The following GPC5 variants were observed in gnomAD, a reference collection of about 807,000 sequenced individuals.
The protein encoded by GPC5 is glypican-5.
A neutral mutation model predicts 53.9 loss-of-function variants in GPC5; 47 were observed. The observed-to-expected ratio is 0.87, with a 90% confidence interval of 0.69 to 1.11. The LOEUF (loss-of-function observed/expected upper bound fraction) is 1.11. GPC5 is among the 50% of genes most tolerant of loss of function. The pLI is 0.00. For missense variants in GPC5, 748 were observed against 713.1 expected, an observed-to-expected ratio of 1.05 and a Z score of -0.56; for synonymous variants, 286 against 263.3, an observed-to-expected ratio of 1.09 and a Z score of -0.84.
intron 7 of GPC5, among the ~76,000 whole-genome samples, chr13:92,445,773 C>T (rs1342576789): frequency 6.6e-6 from 1 of 151,964 alleles, no homozygotes; most frequent in Admixed American, 6.6e-5. Flanking sequence ...CCGCAATAAA[C>T]ATACGTGTGC....
intron 2 of GPC5, among the ~76,000 whole-genome samples, chr13:91,625,852 G>A (rs2033985003): frequency 6.6e-6 from 1 of 152,008 alleles, no homozygotes; most frequent in Non-Finnish European, 1.5e-5. Flanking sequence ...CAGAAGAAGT[G>A]CCTTATGTGG....
intron 7 of GPC5, chr13:92,446,972 T>C (rs1877854313): frequency 6.6e-6 from 1 of 152,206 alleles, no homozygotes; most frequent in South Asian, 2.1e-4. Flanking sequence ...CATTTTTAAA[T>C]TGGATTGTTA....
intron 6 of GPC5, among the ~76,000 whole-genome samples, chr13:92,072,607 C>T (rs1397949093): frequency 3.3e-5 from 4 of 120,930 alleles, no homozygotes; most frequent in African/African-American, 9.7e-5. Context: ...AGAGTCTTAC[C>T]CTCTTGCCCA....
intron 7 of GPC5, among the ~76,000 whole-genome samples, chr13:92,171,513 C>T (rs1489587739): frequency 7.9e-5 from 12 of 152,126 alleles, no homozygotes. Context: ...TTCTTTTGCT[C>T]CTCAATCCAT....
intron 7 of GPC5, among the ~76,000 whole-genome samples, chr13:92,644,643 T>C (rs1409884798): frequency 6.6e-6 from 1 of 152,192 alleles, no homozygotes; most frequent in Non-Finnish European, 1.5e-5. Context: ...TATCCTTTTA[T>C]GTCACTCAAA....
chr13:92,861,743 T>C (rs1016581503), intron 7 of GPC5, among the ~76,000 whole-genome samples: 4 of 152,182 alleles, frequency 2.6e-5, no homozygotes, highest in Non-Finnish European at 4.4e-5. Context: ...TTTCTTTTTA[T>C]AGATTCTGAC....
intron 2 of GPC5, among the ~76,000 whole-genome samples, chr13:91,496,316 G>T (rs1228858942): frequency 6.6e-6 from 1 of 152,174 alleles, no homozygotes; most frequent in East Asian, 1.9e-4. Flanking sequence ...TATGGAAGAG[G>T]TATCTGCACT....
At chr13:91,546,506 T>G (rs1187374345) in intron 2 of GPC5, among the ~76,000 whole-genome samples, 1 of 152,130 alleles carries the variant, frequency 6.6e-6, no homozygotes, top group Non-Finnish European at 1.5e-5. Flanking sequence ...TTTAGCCATG[T>G]GATTTTTAAT....
At chr13:92,736,671 T>G (rs1398981089) in intron 7 of GPC5, among the ~76,000 whole-genome samples, 2 of 151,934 alleles carry the variant, frequency 1.3e-5, no homozygotes, top group African/African-American at 4.8e-5. Flanking sequence ...CCACTGAATT[T>G]ATCTGTTTAC....
chr13:92,589,125 T>G (rs1268201238), intron 7 of GPC5, among the ~76,000 whole-genome samples: 1 of 152,220 alleles, frequency 6.6e-6, no homozygotes, highest in African/African-American at 2.4e-5. Flanking sequence ...GGTTACCAAA[T>G]GCGTTCATGG....
At chr13:92,744,714 A>C (rs922257796) in intron 7 of GPC5, among the ~76,000 whole-genome samples, 11 of 152,148 alleles carry the variant, frequency 7.2e-5, no homozygotes, top group Non-Finnish European at 1.5e-4. Context: ...TTATGGCAGC[A>C]TAATTATAGC....
At chr13:91,434,745 G>A (rs1438255793) in intron 1 of GPC5, among the ~76,000 whole-genome samples, 1 of 152,146 alleles carries the variant, frequency 6.6e-6, no homozygotes, top group Admixed American at 6.5e-5. Context: ...TGGCTTGATG[G>A]AGATGGCATT....
At chr13:92,491,373 C>G (rs1024555113) in intron 7 of GPC5, among the ~76,000 whole-genome samples, 1 of 152,174 alleles carries the variant, frequency 6.6e-6, no homozygotes, top group East Asian at 1.9e-4. Context: ...CTTTTTGACA[C>G]ACTTGTAAAA....
At chr13:91,909,852 T>C (rs1177348870) in intron 6 of GPC5, among the ~76,000 whole-genome samples, 1 of 152,030 alleles carries the variant, frequency 6.6e-6, no homozygotes, top group Non-Finnish European at 1.5e-5. Context: ...CCAGTTCTGG[T>C]TTTGTAGGTT....
At chr13:92,226,622 T>A (rs2042488426) in intron 7 of GPC5, among the ~76,000 whole-genome samples, 1 of 151,378 alleles carries the variant, frequency 6.6e-6, no homozygotes, top group South Asian at 2.1e-4. Flanking sequence ...CTTTTTTTTT[T>A]CTTTTTTTCT....
chr13:91,785,064 A>G (rs1262378915), intron 5 of GPC5, among the ~76,000 whole-genome samples: 1 of 152,044 alleles, frequency 6.6e-6, no homozygotes, highest in Non-Finnish European at 1.5e-5. Context: ...CGGATTCCAC[A>G]TTCTCTTGGT....
intron 7 of GPC5, among the ~76,000 whole-genome samples, chr13:92,675,912 A>G (rs1886923267): frequency 6.6e-6 from 1 of 152,138 alleles, no homozygotes; most frequent in South Asian, 2.1e-4. Context: ...CTAAGTGTGA[A>G]CACTTACTGT....
At chr13:92,434,084 C>G (rs937704118) in intron 7 of GPC5, among the ~76,000 whole-genome samples, 12 of 152,090 alleles carry the variant, frequency 7.9e-5, no homozygotes, top group Non-Finnish European at 1.5e-4. Flanking sequence ...CAGGCCAAAC[C>G]AAATTCAAAG....
intron 7 of GPC5, among the ~76,000 whole-genome samples, chr13:92,570,120 G>T (rs1882980837): frequency 6.6e-6 from 1 of 152,118 alleles, no homozygotes; most frequent in Non-Finnish European, 1.5e-5. Flanking sequence ...ATACATGCTT[G>T]CTGTAGGTAA....
Sources: allele counts gnomAD v4.1 joint callset (sites outside exome capture counted in the v4.1 genomes callset), GRCh38; gene constraint gnomAD v4.1.1; transcripts MANE v1.5; gene names NCBI Gene and HGNC (gene_info 2026-07-23, HGNC 2026-07-21).